STK3: variants seen among roughly 807,000 people sequenced by gnomAD.
STK3 encodes serine/threonine-protein kinase 3.
A neutral mutation model predicts 58.0 loss-of-function variants in STK3; 41 were observed. The observed-to-expected ratio is 0.71, with a 90% CI of 0.55 to 0.92. The LOEUF (loss-of-function observed/expected upper bound fraction) is 0.92. Ranked by LOEUF, STK3 falls within the 40% of genes least tolerant of loss-of-function variation. The pLI, the probability that STK3 is intolerant of heterozygous loss-of-function variation, is 0.00. For synonymous variants in STK3, 170 were observed against 191.0 expected (o/e 0.89, Z 0.91); for missense variants, 479 against 602.7 (o/e 0.79, Z 2.15).
intron 3 of STK3, among the ~76,000 whole-genome samples, chr8:98,842,511 A>T (rs1836032547): frequency 6.6e-6 from 1 of 151,232 alleles, no homozygotes; most frequent in Non-Finnish European, 1.5e-5. Flanking sequence ...TCAAGTCTCT[A>T]CAAAAAAATG....
At chr8:98,822,358 T>G (rs1022973638) in intron 1 of STK3, among the ~76,000 whole-genome samples, 1 of 152,190 alleles carries the variant, frequency 6.6e-6, no homozygotes, top group Non-Finnish European at 1.5e-5. Flanking sequence ...TCATCCAGGA[T>G]AGAGTGCAGT....
At chr8:98,678,568 A>C (rs1823392801) in intron 6 of STK3, among the ~76,000 whole-genome samples, 1 of 152,184 alleles carries the variant, frequency 6.6e-6, no homozygotes, top group East Asian at 1.9e-4. Context: ...ATATGAAATT[A>C]TTTCACTTTA....
chr8:98,534,847 A>G (rs530338916), intron 9 of STK3, among the ~76,000 whole-genome samples: 21 of 152,370 alleles, frequency 1.4e-4, no homozygotes, highest in Non-Finnish European at 2.4e-4. Flanking sequence ...TAAAAAAATT[A>G]CAAGTGTAGC....
At chr8:98,905,083 A>G (rs1219985601) in intron 1 of STK3, 3 of 1,341,104 alleles carry the variant, frequency 2.2e-6, no homozygotes, top group East Asian at 4.7e-5. Flanking sequence ...ACTGCTGCAT[A>G]TTGTTCATTA....
chr8:98,432,644 TA>T (rs1818353146), intron 3 of STK3: 1 of 167,110 alleles, frequency 6.0e-6, no homozygotes, highest in Admixed American at 6.5e-5. Flanking sequence ...TCAAAGAAAA[TA>T]AGTTGTTATG....
intron 4 of STK3, among the ~76,000 whole-genome samples, chr8:98,740,727 C>T (rs1587479428): frequency 6.6e-6 from 1 of 152,132 alleles, no homozygotes; most frequent in Non-Finnish European, 1.5e-5. Flanking sequence ...ATGACAGGAT[C>T]AAATTCACAT....
intron 1 of STK3, among the ~76,000 whole-genome samples, chr8:98,918,751 A>T (rs552973361): frequency 2.0e-5 from 3 of 152,296 alleles, no homozygotes; most frequent in African/African-American, 7.2e-5. Flanking sequence ...CCTGGGTGAC[A>T]GAGTGAGACC....
the STK3 span, among the ~76,000 whole-genome samples, chr8:98,357,514 T>C: frequency 9.9e-5 from 15 of 152,214 alleles, no homozygotes; most frequent in African/African-American, 3.4e-4. Context: ...GCCACCATGG[T>C]TGGAGGTGTA....
intron 1 of STK3, among the ~76,000 whole-genome samples, chr8:98,893,372 G>C (rs983784050): frequency 2.6e-4 from 39 of 149,522 alleles, no homozygotes; most frequent in African/African-American, 9.4e-4. Context: ...CTGGGTGACA[G>C]AGCAAGACTT....
chr8:98,757,552 G>A (rs1385916322), intron 3 of STK3, among the ~76,000 whole-genome samples: 65 of 144,674 alleles, frequency 4.5e-4, no homozygotes, highest in African/African-American at 1.3e-3. Flanking sequence ...CCGAGGTCGC[G>A]CCATTGCATT....
chr8:98,394,376 G>A (rs1722970189), intron 3 of STK3, among the ~76,000 whole-genome samples: 1 of 151,904 alleles, frequency 6.6e-6, no homozygotes, highest in African/African-American at 2.4e-5. Context: ...CTTTCCAAAA[G>A]ACATTAGAAA....
intron 4 of STK3, among the ~76,000 whole-genome samples, chr8:98,732,174 AAG>A (rs1369923253): frequency 6.6e-6 from 1 of 152,174 alleles, no homozygotes; most frequent in Non-Finnish European, 1.5e-5. Flanking sequence ...CGGATAATCT[AAG>A]AGGAAAAACA....
intron 1 of STK3, among the ~76,000 whole-genome samples, chr8:98,887,837 A>G (rs906674787): frequency 6.6e-6 from 1 of 152,240 alleles, no homozygotes; most frequent in Non-Finnish European, 1.5e-5. Flanking sequence ...AGGCCTGGAC[A>G]AAGTACCACA....
At chr8:98,579,911 T>G (rs1462751462) in intron 7 of STK3, 122 bp from the exon 8 acceptor site, 1 of 895,622 alleles carries the variant, frequency 1.1e-6, no homozygotes. Flanking sequence ...TTTTTTCATC[T>G]AGAATTAAAT....
At chr8:98,532,324 C>G (rs553953349) in intron 9 of STK3, among the ~76,000 whole-genome samples, 1 of 152,200 alleles carries the variant, frequency 6.6e-6, no homozygotes, top group Admixed American at 6.5e-5. Context: ...AGGAGAGAGA[C>G]AGAGACAAGG....
chr8:98,443,093 A>C (rs1818758765), intron 1 of STK3, among the ~76,000 whole-genome samples: 1 of 152,158 alleles, frequency 6.6e-6, no homozygotes, highest in Non-Finnish European at 1.5e-5. Context: ...CGGTCTAGAC[A>C]TGCTTTCTAA....
chr8:98,858,355 GAGAGAC>G lies in STK3; in HGVS notation c.110+25286_110+25291del, dbSNP rs1192652607. Reference sequence around the variant, plus strand: ...AGAGAGAGAGAGAGAGAGAGAGAGAGAGAGACAGAGAGAGAGTATATAGTATATATA... The same window carrying G: ...AGAGAGAGAGAGAGAGAGAGAGAGAGAGAGAGAGAGTATATAGTATATATA... On this transcript the variant is annotated intron_variant, in intron 3 of 12. Coordinates refer to the STK3 transcript ENST00000523601. Among the ~76,000 whole-genome samples the G allele has an allele frequency of 2.8e-4, 38 of 137,636 alleles. 1 individual carries two copies. Among genetic ancestry groups the G allele is most frequent in the Admixed American group, 1.1e-3 (15 of 13,326 alleles). The allele number at this position is 137,636 out of a possible 152,430, so 90.3% of individuals were successfully genotyped here. A position where few individuals can be genotyped will look rare whatever the true frequency, so the allele number is the denominator to read the frequency against.
chr8:98,619,527 CA>C (rs1387685871), intron 6 of STK3, among the ~76,000 whole-genome samples: 4 of 135,036 alleles, frequency 3.0e-5, no homozygotes, highest in African/African-American at 1.2e-4. Context: ...AGTGAACAGG[CA>C]ACCTACAACA....
In STK3 at chr8:98,604,402, G is replaced by A. The variant is rs530269001; in HGVS notation, c.685-8233C>T. The stretch of plus-strand genomic sequence containing the variant: ...CCCCTGAGGCTGCTCTCATGGGCTG[G>A]CATTGGGTGCCTATGGGTTTTCCAA... On this transcript the variant is annotated intron_variant, in intron 6 of 10. Transcript: ENST00000419617. Among the ~76,000 whole-genome samples the A allele has an allele frequency of 2.0e-5, 3 of 152,326 alleles. No homozygotes were observed. The South Asian group carries it at 6.2e-4, about 32-fold the overall frequency.
Sources: allele counts gnomAD v4.1 joint callset (sites outside exome capture counted in the v4.1 genomes callset), GRCh38; gene constraint gnomAD v4.1.1; transcripts MANE v1.5; gene names NCBI Gene and HGNC (gene_info 2026-07-23, HGNC 2026-07-21).